The following SEMA4D variants were observed in gnomAD, a reference collection of about 807,000 sequenced individuals.
SEMA4D encodes the protein semaphorin 4D, also known as semaphorin-4D.
In SEMA4D, 22 loss-of-function variants were observed where a neutral mutation model predicts 74.8. That is an observed-to-expected ratio of 0.29 (90% CI 0.21 to 0.42). The LOEUF (loss-of-function observed/expected upper bound fraction) is 0.42. SEMA4D is among the 10% of genes least tolerant of loss of function. The pLI is 1.00. For missense variants in SEMA4D, 937 were observed against 1,118.4 expected, an observed-to-expected ratio of 0.84 and a Z score of 2.31; for synonymous variants, 445 against 463.7, an observed-to-expected ratio of 0.96 and a Z score of 0.52.
At chr9:89,423,747 C>G (rs1233789042) in intron 2 of SEMA4D, among the ~76,000 whole-genome samples, 3 of 150,668 alleles carry the variant, frequency 2.0e-5, no homozygotes, top group Admixed American at 1.3e-4. Flanking sequence ...CCTCCCCCGG[C>G]TATTACCTCA....
At chr9:89,455,623 C>G (rs1170503143) in intron 2 of SEMA4D, among the ~76,000 whole-genome samples, 1 of 152,300 alleles carries the variant, frequency 6.6e-6, no homozygotes, top group South Asian at 2.1e-4. Flanking sequence ...AGCATTGCCT[C>G]GCTCATTGCC....
At chr9:89,496,617 G>C (rs184423415) in intron 1 of SEMA4D, among the ~76,000 whole-genome samples, 1 of 152,144 alleles carries the variant, frequency 6.6e-6, no homozygotes, top group African/African-American at 2.4e-5. Flanking sequence ...TCTTCTTCTG[G>C]CTGACGACTA....
intron 1 of SEMA4D, chr9:89,472,444 G>C: frequency 3.6e-6 from 1 of 279,632 alleles, no homozygotes; most frequent in South Asian, 4.0e-5. Flanking sequence ...CCTTAAAATA[G>C]AATGTGGACC....
At position 89,392,530 on chromosome 9, in the gene SEMA4D, T is replaced by C. The variant is rs776408121; in HGVS notation, c.515A>G (p.Glu172Gly). Residue 172 changes from glutamate to glycine, a missense_variant, in exon 8 of 16, where the codon GAA becomes GGA. Transcript: ENST00000422704. The part of the protein sequence containing the change: ...HSYTSVMVDG[E>G]LYSGTSYNFL... ...ATTATACGACGTCCCCGAATAAAGT[T>C]CTCCATCTGCAGGGGCCCAGAAGAA... 1 of 1,611,192 alleles carries C rather than the reference T, an allele frequency of 6.2e-7. No individual in the cohort carries two copies. The highest frequency in any genetic ancestry group is 1.1e-5 in the South Asian group (1 of 91,034).
Position 89,381,162 on chromosome 9 carries a change from C to T in SEMA4D, c.1619+12G>A, listed in dbSNP as rs778095009. On this transcript the variant is annotated intron_variant, in intron 14 of 15. Coordinates refer to ENST00000422704, the MANE Select transcript of SEMA4D (RefSeq NM_001371194.2). This position sits in a 1 kb window ranked among gnomAD's most constrained non-coding sequence, Gnocchi z 4.6. Reference sequence around the variant, plus strand: ...TGGGGGACATCCCCAGGCAGCGCATCCCGCCCCATACCTGCTGGGGCTCTC... The same window carrying T: ...TGGGGGACATCCCCAGGCAGCGCATTCCGCCCCATACCTGCTGGGGCTCTC... The T allele has an allele frequency of 1.5e-5, 25 of 1,613,998 alleles. No homozygotes were observed. The highest frequency in any genetic ancestry group is 3.3e-4 in the Middle Eastern group (2 of 6,084).
At chr9:89,472,389 G>T in intron 1 of SEMA4D, 1 of 362,418 alleles carries the variant, frequency 2.8e-6, no homozygotes, top group African/African-American at 2.1e-5. Context: ...GGACAGGAAT[G>T]ATCACTGGGC....
intron 2 of SEMA4D, among the ~76,000 whole-genome samples, chr9:89,423,284 C>T (rs994482786): frequency 5.3e-5 from 8 of 151,768 alleles, no homozygotes; most frequent in East Asian, 1.9e-4. Context: ...CTCCACCTTC[C>T]GGGTTCAAGT....
At chr9:89,388,108 C>T (rs905257230) in intron 11 of SEMA4D, among the ~76,000 whole-genome samples, 1 of 152,200 alleles carries the variant, frequency 6.6e-6, no homozygotes, top group East Asian at 1.9e-4. Context: ...GTGTCAGGGA[C>T]AGCTGCCCTT....
At position 89,396,797 on chromosome 9, in the gene SEMA4D, G is replaced by A. The variant is rs993248396; in HGVS notation, c.354C>T (p.Leu118=). The A allele has an allele frequency of 6.2e-7, 1 of 1,614,052 alleles. No homozygotes were observed. The highest frequency in any genetic ancestry group is 1.6e-4 in the Middle Eastern group (1 of 6,062). Residue 118 remains leucine (L), a synonymous_variant, in exon 6 of 16, where the codon CTC becomes CTT. Coordinates refer to ENST00000422704, the MANE Select transcript of SEMA4D (RefSeq NM_001371194.2). ...CLNYIRVLQP[L]SATSLYVCGT... ...CACACACGTAAAGGGAAGTGGCGCT[G>A]AGTGGCTGCAGCACCCGGATGTAGT...
Position 89,395,013 on chromosome 9 carries a change from T to C in SEMA4D, c.415-1358A>G, listed in dbSNP as rs148261450. Among the ~76,000 whole-genome samples, 361 of 152,302 alleles carry C rather than the reference T, an allele frequency of 2.4e-3. 3 individuals are homozygous for C. The highest frequency in any genetic ancestry group is 8.1e-3 in the African/African-American group (338 of 41,568). On this transcript the variant is annotated intron_variant, in intron 6 of 15. Transcript: ENST00000422704. ...GTACACAGACACACATGTGGACACA[T>C]AGACATGCACAGGCACACAGACACG...
Position 89,405,516 on chromosome 9 carries a change from C to G in SEMA4D, c.-60G>C. ...AGGCTCACGGCAGCAGGTGGCCGGG[C>G]AGGTGTGCTATTGCAGATGCGGCTC... is the stretch of plus-strand genomic sequence containing the variant. On this transcript the variant is annotated 5_prime_UTR_variant, in exon 3 of 16. Coordinates refer to ENST00000422704, the MANE Select transcript of SEMA4D (RefSeq NM_001371194.2). The G allele has an allele frequency of 6.2e-7, 1 of 1,601,448 alleles. No individual in the cohort carries two copies. Among genetic ancestry groups the G allele is most frequent in the Non-Finnish European group, 8.5e-7 (1 of 1,176,592 alleles).
Position 89,484,144 on chromosome 9 carries a change from G to A in SEMA4D, c.-310+13775C>T, listed in dbSNP as rs1297673248. On this transcript the variant is annotated intron_variant, in intron 1 of 15. Transcript: ENST00000422704. The surrounding 1 kb of genome is among the most constrained non-coding windows in gnomAD (Gnocchi z 4.1). ...ACTGGAGCCTTAAAGAGGACGCCGC[G>A]GCCACCCCGCCCTGCAGGCCCACCT... 2.6e-5 allele frequency among the ~76,000 whole-genome samples: 4 copies of A among 152,220 alleles called. No homozygotes were observed. Among genetic ancestry groups the A allele is most frequent in the Admixed American group, 1.3e-4 (2 of 15,286 alleles).
chr9:89,376,031 T>A (rs1201944090), downstream of SEMA4D, among the ~76,000 whole-genome samples: 1 of 152,124 alleles, frequency 6.6e-6, no homozygotes, highest in Non-Finnish European at 1.5e-5. Flanking sequence ...AGAGATCAGG[T>A]CTCGCTATGT....
chr9:89,440,504 C>G (rs1851463072), intron 2 of SEMA4D, among the ~76,000 whole-genome samples: 1 of 152,140 alleles, frequency 6.6e-6, no homozygotes, highest in South Asian at 2.1e-4. Flanking sequence ...GAGCCCTACC[C>G]TCCGCTTGCC....
chr9:89,462,981 A>AGAGAG (rs370582513), intron 1 of SEMA4D, among the ~76,000 whole-genome samples: 1 of 144,476 alleles, frequency 6.9e-6, no homozygotes. Context: ...GAGGGGAGCG[A>AGAGAG]GGGAGAAAGA....
chr9:89,385,633 C>G, intron 13 of SEMA4D: 1 of 916,388 alleles, frequency 1.1e-6, no homozygotes, highest in Non-Finnish European at 1.3e-6. Flanking sequence ...CCCAGGCTCC[C>G]AAGCTTTGTG....
exon 19 of SEMA4D, chr9:89,361,510 T>C (rs1388825738): frequency 6.6e-6 from 1 of 152,154 alleles, no homozygotes; most frequent in Non-Finnish European, 1.5e-5. Context: ...TTAGGACAAG[T>C]TCACACACAC....
intron 2 of SEMA4D, among the ~76,000 whole-genome samples, chr9:89,412,112 A>G (rs566509650): frequency 2.8e-4 from 42 of 151,946 alleles, no homozygotes; most frequent in Non-Finnish European, 4.9e-4. Flanking sequence ...TATTGTTTTC[A>G]TAGCACTTGG....
chr9:89,420,270 G>A (rs947030756), intron 2 of SEMA4D, among the ~76,000 whole-genome samples: 4 of 152,106 alleles, frequency 2.6e-5, no homozygotes, highest in Non-Finnish European at 5.9e-5. Flanking sequence ...ACACATACAC[G>A]GTTTGTTTCT....
Sources: allele counts gnomAD v4.1 joint callset (sites outside exome capture counted in the v4.1 genomes callset), GRCh38; gene constraint gnomAD v4.1.1; non-coding constraint Gnocchi (gnomAD v3.1); transcripts MANE v1.5; gene names NCBI Gene and HGNC (gene_info 2026-07-23, HGNC 2026-07-21).